PARVB: variants seen among roughly 807,000 people sequenced by gnomAD.
The protein encoded by PARVB is parvin beta, also known as beta-parvin.
Under a neutral mutation model 47.0 loss-of-function variants are expected in PARVB, and 46 were observed. That is an observed-to-expected ratio of 0.98 (90% CI 0.77 to 1.25). The LOEUF is 1.25. PARVB is among the 50% of genes most tolerant of loss of function. The pLI is 0.00. For missense variants in PARVB, 473 were observed against 471.6 expected (o/e 1.00, Z -0.03); for synonymous variants, 196 against 196.3 (o/e 1.00, Z 0.01).
At chr22:44,110,634 C>G (rs907705270) in intron 3 of PARVB, 2 of 151,962 alleles carry the variant, frequency 1.3e-5, no homozygotes, top group Non-Finnish European at 2.9e-5. Context: ...TAGATGGAGT[C>G]TTGCTCTGTT....
chr22:44,009,471 G>A (rs1251323718), intron 2 of PARVB: 2 of 151,614 alleles, frequency 1.3e-5, no homozygotes, highest in African/African-American at 4.8e-5. Flanking sequence ...TTTTTTGTAC[G>A]GACAGATACA....
In PARVB at chr22:44,139,746, C is replaced by T. The variant is rs192167602; in HGVS notation, c.693-378C>T. ...GATTACAGGCATGAGCCCCTGTGCC[C>T]GGCCCAGCCTGTGTTTTGAGCGTTC... is the stretch of plus-strand genomic sequence containing the variant. On this transcript the variant is annotated intron_variant, in intron 7 of 12. Coordinates refer to ENST00000338758, the MANE Select transcript of PARVB (RefSeq NM_013327.5). The T allele has an allele frequency of 4.2e-3, 989 of 233,988 alleles. 6 individuals carry two copies. Among genetic ancestry groups the T allele is most frequent in the African/African-American group, 0.02 (908 of 45,054 alleles). 14.5% of individuals were successfully genotyped at this position (233,988 alleles called of 1,614,324 possible).
At chr22:44,119,980 G>A in intron 4 of PARVB, 2 of 423,012 alleles carry the variant, frequency 4.7e-6, no homozygotes, top group Non-Finnish European at 4.8e-6. Flanking sequence ...CTTGTAGTGG[G>A]TTCTCACGAT....
At chr22:44,074,055 G>A (rs2267604) in intron 1 of PARVB, among the ~76,000 whole-genome samples, 35,332 of 152,160 alleles carry the variant, frequency 0.23, 4,314 homozygotes, top group Middle Eastern at 0.37. Context: ...TCCTCTGTTC[G>A]GGTTGAAGAC....
intron 2 of PARVB, among the ~76,000 whole-genome samples, chr22:44,007,507 C>T (rs904679277): frequency 2.0e-5 from 3 of 152,328 alleles, no homozygotes; most frequent in Non-Finnish European, 4.4e-5. Context: ...TTTCTTCCCT[C>T]CTGCGCTCCT....
Position 44,140,126 on chromosome 22 carries a change from T to C in PARVB, c.695T>C (p.Met232Thr), listed in dbSNP as rs775203649. 1 of 1,590,144 alleles carries C rather than the reference T, an allele frequency of 6.3e-7. No individual in the cohort carries two copies. Residue 232 changes from methionine (M) to threonine (T), a missense_variant and splice_region_variant, in exon 8 of 13, where the codon ATG becomes ACG. Transcript: ENST00000338758. ...TCTCTCTGTGTTCTTGTTTGCAGGA[T>C]GATGATGGGCCGGTTCGGTAAGTAA... ...ISEELTTTTEMMMGRFERDAF... is the reference protein window; with the variant it reads ...ISEELTTTTETMMGRFERDAF...
intron 12 of PARVB, among the ~76,000 whole-genome samples, chr22:44,164,409 T>TCCG (rs1555913761): frequency 4.2e-5 from 6 of 142,220 alleles, no homozygotes; most frequent in Admixed American, 2.8e-4. Flanking sequence ...TGCTTCCCTG[T>TCCG]CCCCCCCCCG....
intron 3 of PARVB, among the ~76,000 whole-genome samples, chr22:44,116,490 G>A (rs1342713560): frequency 5.3e-5 from 8 of 152,330 alleles, no homozygotes; most frequent in East Asian, 3.9e-4. Flanking sequence ...CAGAGGCCTC[G>A]TCTGTCCTGT....
intron 1 of PARVB, among the ~76,000 whole-genome samples, chr22:44,029,052 T>G (rs2050778928): frequency 1.3e-5 from 2 of 152,206 alleles, no homozygotes; most frequent in Admixed American, 6.5e-5. Context: ...GGCACGATCC[T>G]GGCTCACTGC....
rs993010147 is a variant in PARVB, at chr22:44,171,897, T to C, written c.*3219T>C. On this transcript the variant is annotated 3_prime_UTR_variant, in exon 13 of 13. Transcript: ENST00000338758. ...CAGTGGTCATTCACAGACACACACA[T>C]AGCAGACTACAGACTACAGCCTTGA... 1 of 146,938 alleles carries C rather than the reference T, an allele frequency of 6.8e-6. No homozygotes were observed. 9.1% of individuals were successfully genotyped at this position (146,938 alleles called of 1,614,324 possible).
chr22:44,162,065 G>T (rs2054065644), intron 11 of PARVB, among the ~76,000 whole-genome samples: 1 of 152,196 alleles, frequency 6.6e-6, no homozygotes, highest in Non-Finnish European at 1.5e-5. Context: ...CTGACCCTAT[G>T]ACTAGCCAGA....
Position 44,172,585 on chromosome 22 carries a change from A to G in PARVB, c.*3907A>G, listed in dbSNP as rs2054279390. On this transcript the variant is annotated 3_prime_UTR_variant, in exon 13 of 13. Transcript: ENST00000338758. ...TTTGACGCCCACACAGTGTTATGCAAGCACCGAGCCCAGAGTCCCGCTGGG... is the reference window on the plus strand; with the variant it reads ...TTTGACGCCCACACAGTGTTATGCAGGCACCGAGCCCAGAGTCCCGCTGGG... 4.8e-6 allele frequency: 1 copy of G among 206,996 alleles called. No individual in the cohort carries two copies. 12.8% of individuals were successfully genotyped at this position (206,996 alleles called of 1,614,324 possible).
At chr22:44,093,827 A>G (rs1367582777) in intron 1 of PARVB, 101 bp from the exon 2 acceptor site, 5 of 716,322 alleles carry the variant, frequency 7.0e-6, no homozygotes, top group Non-Finnish European at 1.2e-5. Flanking sequence ...TTAAATGCTG[A>G]AAAAAACAGG....
Position 44,049,232 on chromosome 22 carries a change from G to A in PARVB, c.112+24781G>A, listed in dbSNP as rs563909958. Among the ~76,000 whole-genome samples the A allele has an allele frequency of 1.3e-5, 2 of 152,290 alleles. No homozygotes were observed. The highest frequency in any genetic ancestry group is 2.1e-4 in the South Asian group (1 of 4,822). On this transcript the variant is annotated intron_variant, in intron 1 of 12. Transcript: ENST00000338758. This position sits in a 1 kb window ranked among gnomAD's most constrained non-coding sequence, Gnocchi z 4.0. ...TGCACCTCTCACTGAAGACATCTCC[G>A]GGTGGAAATGTTCTGAGAGCTGCTG...
chr22:44,076,176 G>A (rs2073655203), intron 1 of PARVB, among the ~76,000 whole-genome samples: 1 of 152,254 alleles, frequency 6.6e-6, no homozygotes, highest in South Asian at 2.1e-4. Context: ...CCATGAGGTG[G>A]CCCTCTCAGA....
intron 2 of PARVB, among the ~76,000 whole-genome samples, chr22:44,003,038 A>G (rs959627201): frequency 3.9e-5 from 6 of 152,216 alleles, no homozygotes; most frequent in African/African-American, 1.4e-4. Flanking sequence ...AGTTTGACCA[A>G]CTGTGAAAAT....
At chr22:44,004,997 C>T (rs893598077) in intron 2 of PARVB, among the ~76,000 whole-genome samples, 10 of 152,262 alleles carry the variant, frequency 6.6e-5, no homozygotes, top group Admixed American at 1.3e-4. Context: ...GACTCCTGAC[C>T]GACCTGCTTA....
intron 2 of PARVB, among the ~76,000 whole-genome samples, chr22:44,008,078 T>TA (rs1282879107): frequency 6.6e-6 from 1 of 152,128 alleles, no homozygotes; most frequent in African/African-American, 2.4e-5. Context: ...TTTCTACCTT[T>TA]AGAGACAGGT....
chr22:44,077,713 T>G (rs1409852628), intron 1 of PARVB, among the ~76,000 whole-genome samples: 1 of 151,912 alleles, frequency 6.6e-6, no homozygotes, highest in Non-Finnish European at 1.5e-5. Context: ...ACCTTAGCAA[T>G]GATATTGGAG....
Sources: allele counts gnomAD v4.1 joint callset (sites outside exome capture counted in the v4.1 genomes callset), GRCh38; gene constraint gnomAD v4.1.1; non-coding constraint Gnocchi (gnomAD v3.1); transcripts MANE v1.5; gene names NCBI Gene and HGNC (gene_info 2026-07-23, HGNC 2026-07-21).